Variants in HES7 observed in about 807,000 individuals in gnomAD.
HES7 encodes the protein hes family bHLH transcription factor 7.
A neutral mutation model predicts 18.0 loss-of-function variants in HES7; 8 were observed. The observed-to-expected ratio is 0.45, with a 90% confidence interval of 0.26 to 0.80. HES7 has a LOEUF of 0.80. Among genes scored for constraint, HES7 ranks in the 30% least tolerant of loss-of-function variants. HES7 has a pLI of 0.18. For missense variants in HES7, 356 were observed against 340.9 expected, an observed-to-expected ratio of 1.04 and a Z score of -0.35; for synonymous variants, 170 against 158.6, an observed-to-expected ratio of 1.07 and a Z score of -0.54.
At position 8,122,942 on chromosome 17, in the gene HES7, C is replaced by A; in HGVS notation, c.138+89G>T. On this transcript the variant is annotated intron_variant, in intron 2 of 3. Transcript: ENST00000541682. The surrounding 1 kb of genome is among the most constrained non-coding windows in gnomAD (Gnocchi z 6.9). The stretch of plus-strand genomic sequence containing the variant: ...TGAGGATGCCTTGGGGCCAGGGTTG[C>A]CAACCAAGCTTGTGTCCCCACCCCA... The A allele has an allele frequency of 2.8e-6, 3 of 1,078,888 alleles. No individual in the cohort carries two copies. The highest frequency in any genetic ancestry group is 4.2e-6 in the Non-Finnish European group (3 of 715,828). 66.8% of individuals were successfully genotyped at this position (1,078,888 alleles called of 1,614,324 possible).
upstream of HES7, among the ~76,000 whole-genome samples, chr17:8,125,752 G>A (rs941722357): frequency 3.9e-5 from 6 of 152,222 alleles, no homozygotes; most frequent in East Asian, 3.8e-4. Context: ...CCGCGCATTG[G>A]TGGTTCAGTG....
At chr17:8,124,119 C>A (rs1300341916), upstream of HES7, 1 of 1,613,760 alleles carries the variant, frequency 6.2e-7, no homozygotes, top group South Asian at 1.1e-5. Flanking sequence ...CGGTTCCCTG[C>A]TCGCCTGGAG....
rs764087675 is a variant in HES7, at chr17:8,123,988, G to A, written c.42+55C>T. 4.2e-5 allele frequency: 67 copies of A among 1,598,144 alleles called. No homozygotes were observed. Among genetic ancestry groups the A allele is most frequent in the Non-Finnish European group, 5.6e-5 (65 of 1,167,464 alleles). ...TCTCTCCAGACCGACGGCGTCAGGGGCCCAGTCCCCTAGCCAAACCAGGGA... is the reference window on the plus strand; with the variant it reads ...TCTCTCCAGACCGACGGCGTCAGGGACCCAGTCCCCTAGCCAAACCAGGGA... On this transcript the variant is annotated intron_variant, in intron 1 of 3. Coordinates refer to ENST00000541682, the MANE Select transcript of HES7 (RefSeq NM_001165967.2). The surrounding 1 kb of genome is among the most constrained non-coding windows in gnomAD (Gnocchi z 5.9).
rs1981382505 is a variant in HES7, at chr17:8,122,152, A to T, written c.227-115T>A. 2.9e-6 allele frequency: 3 copies of T among 1,032,140 alleles called. No individual in the cohort carries two copies. Among genetic ancestry groups the T allele is most frequent in the Non-Finnish European group, 4.1e-6 (3 of 726,482 alleles). 63.9% of individuals were successfully genotyped at this position (1,032,140 alleles called of 1,614,324 possible). A position where few individuals can be genotyped will look rare whatever the true frequency, so the allele number is the denominator to read the frequency against. On this transcript the variant is annotated intron_variant, in intron 3 of 3. Coordinates refer to ENST00000541682, the MANE Select transcript of HES7 (RefSeq NM_001165967.2). This position sits in a 1 kb window ranked among gnomAD's most constrained non-coding sequence, Gnocchi z 6.9. ...CAGGCGCACAGAGACAGGAAGCCAGATGGACGGAAAGAGGGAGAAAATGAG... is the reference window on the plus strand; with the variant it reads ...CAGGCGCACAGAGACAGGAAGCCAGTTGGACGGAAAGAGGGAGAAAATGAG...
upstream of HES7, among the ~76,000 whole-genome samples, chr17:8,126,108 G>A (rs1981600160): frequency 6.6e-6 from 1 of 151,882 alleles, no homozygotes; most frequent in African/African-American, 2.4e-5. Flanking sequence ...CGCGGGGGAA[G>A]GGCCAGGTCT....
rs1190261813 is a variant in HES7 at position 8,123,202 on chromosome 17, C to T, written c.43-76G>A. ...CGGCCGCCCCGGCGTCGGATCCCGC[C>T]GCTGGGAGAGCCCGGCTTCCACCCC... On this transcript the variant is annotated intron_variant, in intron 1 of 3. Coordinates refer to ENST00000541682, the MANE Select transcript of HES7 (RefSeq NM_001165967.2). This position sits in a 1 kb window ranked among gnomAD's most constrained non-coding sequence, Gnocchi z 5.9. 2 of 1,199,290 alleles carry T rather than the reference C, an allele frequency of 1.7e-6. No homozygotes were observed. The highest frequency in any genetic ancestry group is 1.5e-5 in the African/African-American group (1 of 66,370). 74.3% of individuals were successfully genotyped at this position (1,199,290 alleles called of 1,614,324 possible).
Position 8,123,039 on chromosome 17 carries a change from G to A in HES7, c.130C>T (p.Arg44Trp), listed in dbSNP as rs781290618. 7 of 1,598,104 alleles carry A rather than the reference G, an allele frequency of 4.4e-6. No homozygotes were observed. In the African/African-American group the frequency reaches 8.0e-5, roughly 18 times the overall value. The change falls in exon 2 of 4, where the codon CGG becomes TGG. Residue 44 changes from arginine to tryptophan, a missense_variant. Coordinates refer to ENST00000541682, the MANE Select transcript of HES7 (RefSeq NM_001165967.2). The surrounding 1 kb of genome is among the most constrained non-coding windows in gnomAD (Gnocchi z 5.9). ...ELRLLLLERT[R>W]DQNLRNPKLE... ...CTAGCGGAGGGACTGACCTGGTCCCGGGTCCGCTCCAGCAGCAGCAGCCTC... is the reference window on the plus strand; with the variant it reads ...CTAGCGGAGGGACTGACCTGGTCCCAGGTCCGCTCCAGCAGCAGCAGCCTC...
In HES7 at chr17:8,122,906, C is replaced by A; in HGVS notation, c.138+125G>T. The A allele has an allele frequency of 1.3e-6, 1 of 753,660 alleles. No homozygotes were observed. The highest frequency in any genetic ancestry group is 2.4e-6 in the Non-Finnish European group (1 of 420,508). The allele number at this position is 753,660 out of a possible 1,614,324, so 46.7% of individuals were successfully genotyped here. On this transcript the variant is annotated intron_variant, in intron 2 of 3. Coordinates refer to ENST00000541682, the MANE Select transcript of HES7 (RefSeq NM_001165967.2). The surrounding 1 kb of genome is among the most constrained non-coding windows in gnomAD (Gnocchi z 6.9). ...GGGGTCTGGGATGGAATTCCAAAGG[C>A]GGGACTCGGGTGAGGATGCCTTGGG... is the stretch of plus-strand genomic sequence containing the variant.
upstream of HES7, among the ~76,000 whole-genome samples, chr17:8,125,798 T>TCGATTCCCGGCCA (rs1252511806): frequency 2.6e-5 from 4 of 152,202 alleles, no homozygotes; most frequent in Admixed American, 6.5e-5. Flanking sequence ...AGGCCCGGGT[T>TCGATTCCCGGCCA]CGATTCCCGG....
rs1287048145 is a variant in HES7 at position 8,120,992 on chromosome 17, G to A, written c.*579C>T. On this transcript the variant is annotated 3_prime_UTR_variant, in exon 4 of 4. Coordinates refer to ENST00000541682, the MANE Select transcript of HES7 (RefSeq NM_001165967.2). ...GAATAGAGCAATTCAAAGGTTGTGG[G>A]TTCGAATCCCACCAGAGTCGATTTT... 2 of 152,698 alleles carry A rather than the reference G, an allele frequency of 1.3e-5. No homozygotes were observed. The highest frequency in any genetic ancestry group is 2.1e-4 in the South Asian group (1 of 4,846). 9.5% of individuals were successfully genotyped at this position (152,698 alleles called of 1,614,324 possible).
In HES7 at chr17:8,121,669, T is replaced by A; in HGVS notation, c.595A>T (p.Thr199Ser). Reference sequence around the variant, plus strand: ...GGCGGTGGCGGCGGCAGCAGTCCGGTGAGGGGCGCCGGCGCGCCAGAATCC... The same window carrying A: ...GGCGGTGGCGGCGGCAGCAGTCCGGAGAGGGGCGCCGGCGCGCCAGAATCC... ...AGDSGAPAPL[T>S]GLLPPPPPPH... The change falls in exon 4 of 4, where the codon ACC becomes TCC. Residue 199 changes from threonine (T) to serine (S), a missense_variant. Coordinates refer to ENST00000541682, the MANE Select transcript of HES7 (RefSeq NM_001165967.2). The A allele has an allele frequency of 7.6e-7, 1 of 1,324,434 alleles. No homozygotes were observed. The highest frequency in any genetic ancestry group is 9.6e-7 in the Non-Finnish European group (1 of 1,044,014). The allele number at this position is 1,324,434 out of a possible 1,614,324, so 82.0% of individuals were successfully genotyped here.
In HES7 at chr17:8,121,598, C is replaced by A. The variant is rs1981324124; in HGVS notation, c.666G>T (p.Pro222=). The A allele has an allele frequency of 7.6e-7, 1 of 1,312,366 alleles. No individual in the cohort carries two copies. Among genetic ancestry groups the A allele is most frequent in the African/African-American group, 1.5e-5 (1 of 64,844 alleles). 81.3% of individuals were successfully genotyped at this position (1,312,366 alleles called of 1,614,324 possible). The stretch of plus-strand genomic sequence containing the variant: ...AGGGCCAAGGTCTCCAGAAAGCGGG[C>A]GGCGGGGGCAGCGGGGCCTTGGGCG... ...DGAPKAPLPP[P]PAFWRPWP is the part of the protein sequence containing the mutation. The change falls in exon 4 of 4, where the codon CCG becomes CCT. Residue 222 remains proline (P), a synonymous_variant. Coordinates refer to ENST00000541682, the MANE Select transcript of HES7 (RefSeq NM_001165967.2).
rs1050466527 is a variant in HES7 at position 8,122,483 on chromosome 17, GA to G, written c.139-54del. ...ACAGAAAGGGGTGGGGAGAAAGGGG[GA>G]AAGTGGCAGGGGGAAGAAGGGAGGG... On this transcript the variant is annotated intron_variant, in intron 2 of 3. Transcript: ENST00000541682. The surrounding 1 kb of genome is among the most constrained non-coding windows in gnomAD (Gnocchi z 6.9). The G allele has an allele frequency of 3.2e-6, 4 of 1,247,502 alleles. No individual in the cohort carries two copies. The African/African-American group carries it at 6.0e-5, about 19-fold the overall frequency. The allele number at this position is 1,247,502 out of a possible 1,614,324, so 77.3% of individuals were successfully genotyped here. A position where few individuals can be genotyped will look rare whatever the true frequency, so the allele number is the denominator to read the frequency against.
chr17:8,124,047 G>C lies in HES7; in HGVS notation c.38C>G (p.Pro13Arg). 1.2e-6 allele frequency: 2 copies of C among 1,613,980 alleles called. No individual in the cohort carries two copies. Among genetic ancestry groups the C allele is most frequent in the Non-Finnish European group, 1.7e-6 (2 of 1,180,006 alleles). Residue 13 changes from proline (P) to arginine (R), a missense_variant, in exon 1 of 4, where the codon CCC becomes CGC. Physicochemically the swap from Pro to Arg is moderately radical, Grantham distance 103 (BLOSUM62 -2). Transcript: ENST00000541682. ...TRDRAENRDG[P>R]KMLKPLVEKR... ...CCCTCCCCTCCCGCCTCTCACCTTG[G>C]GGCCGTCCCTATTCTCAGCTCGATC...
upstream of HES7, among the ~76,000 whole-genome samples, chr17:8,125,813 T>C (rs1042427325): frequency 1.3e-5 from 2 of 152,210 alleles, no homozygotes; most frequent in Admixed American, 1.3e-4. Context: ...TCCCGGCCAA[T>C]GCACGAGTAC....
rs1981326958 is a variant in HES7 at position 8,121,627 on chromosome 17, C to T, written c.637G>A (p.Gly213Arg). ...PPPPPPHRQD[G>R]APKAPLPPPP... ...GGGGGCAGCGGGGCCTTGGGCGCCC[C>T]GTCTTGTCTGTGAGGCGGCGGTGGC... The change falls in exon 4 of 4, where the codon GGG (glycine) becomes AGG (arginine). Residue 213 changes from glycine to arginine, a missense_variant. Physicochemically the swap from Gly to Arg is moderately radical, Grantham distance 125 (BLOSUM62 -2). Transcript: ENST00000541682. The T allele has an allele frequency of 7.6e-7, 1 of 1,314,520 alleles. No individual in the cohort carries two copies. The highest frequency in any genetic ancestry group is 9.6e-7 in the Non-Finnish European group (1 of 1,039,638). 81.4% of individuals were successfully genotyped at this position (1,314,520 alleles called of 1,614,324 possible). A position where few individuals can be genotyped will look rare whatever the true frequency, so the allele number is the denominator to read the frequency against.
chr17:8,125,601 G>A (rs1050137454), upstream of HES7, among the ~76,000 whole-genome samples: 48 of 152,338 alleles, frequency 3.2e-4, no homozygotes, highest in African/African-American at 1.2e-3. Context: ...CCCGGTGGCC[G>A]GATCCGGACG....
chr17:8,124,689 C>T (rs1323476175), upstream of HES7, among the ~76,000 whole-genome samples: 1 of 152,160 alleles, frequency 6.6e-6, no homozygotes, highest in Non-Finnish European at 1.5e-5. Flanking sequence ...TGTCTAGGCT[C>T]GGGCGAGTCA....
chr17:8,124,013 A>T (rs1375849117), intron 1 of HES7, 30 bp downstream of exon 1: 1 of 1,612,962 alleles, frequency 6.2e-7, no homozygotes, highest in Admixed American at 1.7e-5. Context: ...CAAACCAGGG[A>T]CCTCTGCTCC....
Sources: gnomAD v4.1 joint callset for allele counts (sites outside exome capture counted in the v4.1 genomes callset) on GRCh38, gnomAD v4.1.1 for gene constraint, Gnocchi (gnomAD v3.1) non-coding constraint, MANE v1.5 for transcripts, NCBI Gene and HGNC (gene_info 2026-07-23, HGNC 2026-07-21) for gene names.